Variants in SERPINB10 observed in about 807,000 individuals in gnomAD.
SERPINB10 encodes serpin family B member 10, also known as serpin B10.
A neutral mutation model predicts 39.1 loss-of-function variants in SERPINB10; 35 were observed. The observed-to-expected ratio is 0.90, with a 90% CI of 0.68 to 1.19. SERPINB10 has a LOEUF of 1.19. SERPINB10 is among the 50% of genes most tolerant of loss of function. The probability of loss-of-function intolerance (pLI) is 0.00; values close to 1 mark genes in which losing one functional copy is unlikely to be tolerated. For synonymous variants in SERPINB10, 190 were observed against 158.1 expected (o/e 1.20, Z -1.52); for missense variants, 546 against 460.5 (o/e 1.19, Z -1.70).
chr18:63,935,181 TC>T lies in SERPINB10; in HGVS notation c.1134del (p.Phe379SerfsTer34). ...IEFNANHPFL[F>X]FIRHNKTNTI... The stretch of plus-strand genomic sequence containing the variant: ...TTCAATGCAAATCACCCATTCCTCT[TC>T]TTCATCAGGCACAATAAAACCAACA... On this transcript the variant is annotated frameshift_variant, in exon 8 of 8. Transcript: ENST00000238508. LOFTEE classifies it high-confidence loss of function. The T allele has an allele frequency of 6.2e-7, 1 of 1,612,266 alleles. No individual in the cohort carries two copies. Among genetic ancestry groups the T allele is most frequent in the Non-Finnish European group, 8.5e-7 (1 of 1,179,678 alleles).
At chr18:63,913,298 TG>T (rs1316970495) in intron 1 of SERPINB10, among the ~76,000 whole-genome samples, 9 of 152,174 alleles carry the variant, frequency 5.9e-5, no homozygotes, top group Admixed American at 5.2e-4. Flanking sequence ...ATTTTACTTA[TG>T]TTTTTTTCTT....
intron 6 of SERPINB10, among the ~76,000 whole-genome samples, chr18:63,931,355 G>A (rs1366082997): frequency 2.0e-5 from 3 of 152,102 alleles, no homozygotes; most frequent in Non-Finnish European, 4.4e-5. Flanking sequence ...CAGAGAAAGT[G>A]TTTGCCATTA....
rs768726274 is a variant in SERPINB10, at chr18:63,919,867, G to A, written c.452G>A (p.Arg151Lys). 1.2e-6 allele frequency: 2 copies of A among 1,610,762 alleles called. No homozygotes were observed. The highest frequency in any genetic ancestry group is 1.3e-5 in the African/African-American group (1 of 74,598). ...TTTGTGGAAGCTTCTGATCAAATCA[G>A]AAAGGACATCAACTCTTGGGTTGAA... ...VNFVEASDQI[R>K]KDINSWVERQ... The change falls in exon 5 of 8, where the codon AGA (arginine) becomes AAA (lysine). Residue 151 changes from arginine (R) to lysine (K), a missense_variant. Coordinates refer to ENST00000238508, the MANE Select transcript of SERPINB10 (RefSeq NM_005024.3).
chr18:63,933,288 G>A, intron 7 of SERPINB10, 85 bp downstream of exon 7: 1 of 1,438,202 alleles, frequency 7.0e-7, no homozygotes, highest in Non-Finnish European at 9.7e-7. Context: ...TCTCCCAATT[G>A]TCCTCAGGAA....
chr18:63,913,499 T>A (rs1362308974), intron 1 of SERPINB10, among the ~76,000 whole-genome samples: 1 of 152,050 alleles, frequency 6.6e-6, no homozygotes, highest in Non-Finnish European at 1.5e-5. Flanking sequence ...TTCAAAGACG[T>A]TGATTTCTGC....
chr18:63,928,026 C>T (rs1045866070), intron 5 of SERPINB10, among the ~76,000 whole-genome samples: 2 of 151,780 alleles, frequency 1.3e-5, no homozygotes, highest in Non-Finnish European at 2.9e-5. Flanking sequence ...GCTGTTTCCA[C>T]GGGAGGTAAT....
intron 1 of SERPINB10, among the ~76,000 whole-genome samples, chr18:63,912,126 C>T (rs1219650025): frequency 4.0e-5 from 6 of 151,674 alleles, no homozygotes; most frequent in African/African-American, 1.5e-4. Context: ...TTTTGTACGT[C>T]GATTTTGTGT....
intron 5 of SERPINB10, among the ~76,000 whole-genome samples, chr18:63,923,236 A>G (rs1203284749): frequency 1.3e-5 from 2 of 151,972 alleles, no homozygotes; most frequent in African/African-American, 4.8e-5. Flanking sequence ...GAAAGCTGTA[A>G]TCCTTCTGTA....
intron 5 of SERPINB10, among the ~76,000 whole-genome samples, chr18:63,927,992 C>G (rs1210305812): frequency 6.6e-6 from 1 of 152,000 alleles, no homozygotes; most frequent in Non-Finnish European, 1.5e-5. Context: ...AAAGAATTTA[C>G]CTGTCTACAT....
intron 2 of SERPINB10, 23 bp from the exon 3 acceptor site, chr18:63,917,433 T>C (rs1486111772): frequency 6.3e-6 from 9 of 1,436,522 alleles, no homozygotes; most frequent in African/African-American, 1.4e-5. Flanking sequence ...GTCTATTCAT[T>C]TGTATTTTTA....
In SERPINB10 at chr18:63,917,541, A is replaced by G; in HGVS notation, c.234+20A>G. On this transcript the variant is annotated intron_variant, in intron 3 of 7. Coordinates refer to ENST00000238508, the MANE Select transcript of SERPINB10 (RefSeq NM_005024.3). ...AAAATGGTATATCTTATCCTTTAAT[A>G]TATATTTCATAATTAAGGAAAAAGT... The G allele has an allele frequency of 2.2e-6, 3 of 1,340,670 alleles. No homozygotes were observed. The highest frequency in any genetic ancestry group is 1.5e-5 in the African/African-American group (1 of 65,976). 83.0% of individuals were successfully genotyped at this position (1,340,670 alleles called of 1,614,324 possible).
At chr18:63,920,210 A>G (rs2144727303) in intron 5 of SERPINB10, among the ~76,000 whole-genome samples, 1 of 152,132 alleles carries the variant, frequency 6.6e-6, no homozygotes, top group African/African-American at 2.4e-5. Context: ...AGGAAATTGA[A>G]AATACTGCCA....
chr18:63,931,448 G>T (rs943767890), intron 6 of SERPINB10, among the ~76,000 whole-genome samples: 23 of 152,168 alleles, frequency 1.5e-4, no homozygotes, highest in African/African-American at 5.3e-4. Flanking sequence ...GCAGTAAACA[G>T]CCCTTGTCGT....
Position 63,935,156 on chromosome 18 carries a change from T to G in SERPINB10, c.1108T>G (p.Phe370Val), listed in dbSNP as rs1242031795. 5 of 1,613,290 alleles carry G rather than the reference T, an allele frequency of 3.1e-6. No homozygotes were observed. The highest frequency in any genetic ancestry group is 1.6e-4 in the Middle Eastern group (1 of 6,084). ...ACGAATTAGAGTCCCATCCATTGAA[T>G]TCAATGCAAATCACCCATTCCTCTT... The part of the protein sequence containing the change: ...DIRIRVPSIE[F>V]NANHPFLFFI... Residue 370 changes from phenylalanine to valine, a missense_variant, in exon 8 of 8, where the codon TTC becomes GTC. Phe to Val is a conservative substitution (Grantham distance 50). Coordinates refer to ENST00000238508, the MANE Select transcript of SERPINB10 (RefSeq NM_005024.3).
intron 7 of SERPINB10, 48 bp downstream of exon 7, chr18:63,933,251 T>C (rs79667853): frequency 1.9e-6 from 3 of 1,602,160 alleles, no homozygotes; most frequent in African/African-American, 1.3e-5. Flanking sequence ...CAGTGTTTAC[T>C]AAGAAAAGAA....
chr18:63,926,840 GT>G (rs1330297405), intron 5 of SERPINB10, among the ~76,000 whole-genome samples: 1 of 152,004 alleles, frequency 6.6e-6, no homozygotes, highest in African/African-American at 2.4e-5. Context: ...TGGATCAGTG[GT>G]GTATATAAGA....
At chr18:63,917,001 A>G (rs2050108210) in intron 2 of SERPINB10, among the ~76,000 whole-genome samples, 3 of 152,004 alleles carry the variant, frequency 2.0e-5, no homozygotes, top group Admixed American at 2.0e-4. Flanking sequence ...TTGCGCCTAA[A>G]TATGTCAAGT....
chr18:63,930,060 T>C lies in SERPINB10; in HGVS notation c.506T>C (p.Leu169Pro). The C allele has an allele frequency of 6.2e-7, 1 of 1,613,326 alleles. No homozygotes were observed. Among genetic ancestry groups the C allele is most frequent in the South Asian group, 1.1e-5 (1 of 91,042 alleles). ...GTTCTTACAGGTAAAATCCAGAATC[T>C]CCTGCCTGATGACTCTGTGGATTCC... ...ERQTEGKIQN[L>P]LPDDSVDSTT... The change falls in exon 6 of 8, where the codon CTC (leucine) becomes CCC (proline). Residue 169 changes from leucine (L) to proline (P), a missense_variant. Leu to Pro is a moderately conservative substitution (Grantham distance 98). Transcript: ENST00000238508.
intron 5 of SERPINB10, among the ~76,000 whole-genome samples, chr18:63,920,881 C>A (rs2050141965): frequency 6.6e-6 from 1 of 151,858 alleles, no homozygotes; most frequent in Non-Finnish European, 1.5e-5. Context: ...GGTTTTATTT[C>A]TAAAAGGAAG....
Sources: allele counts gnomAD v4.1 joint callset (sites outside exome capture counted in the v4.1 genomes callset), GRCh38; gene constraint gnomAD v4.1.1; transcripts MANE v1.5; gene names NCBI Gene and HGNC (gene_info 2026-07-23, HGNC 2026-07-21).